UBN2: variants seen among roughly 807,000 people sequenced by gnomAD.
The protein encoded by UBN2 is ubinuclein-2.
In UBN2, 35 loss-of-function variants were observed where a neutral mutation model predicts 120.2. The observed-to-expected ratio is 0.29, with a 90% CI of 0.22 to 0.39. The LOEUF (loss-of-function observed/expected upper bound fraction) is 0.39. UBN2 is among the 10% of genes least tolerant of loss of function. The probability of loss-of-function intolerance (pLI) is 1.00; values close to 1 mark genes in which losing one functional copy is unlikely to be tolerated. For synonymous variants in UBN2, 661 were observed against 648.7 expected, an observed-to-expected ratio of 1.02 and a Z score of -0.29; for missense variants, 1,693 against 1,663.2, an observed-to-expected ratio of 1.02 and a Z score of -0.31.
At chr7:139,266,199 C>T in intron 6 of UBN2, 134 bp from the exon 7 acceptor site, 2 of 505,224 alleles carry the variant, frequency 4.0e-6, no homozygotes, top group South Asian at 5.0e-5. Context: ...TTGATACCAA[C>T]CTGGGCAACA....
At chr7:139,232,203 C>A (rs756751554) in intron 1 of UBN2, among the ~76,000 whole-genome samples, 2 of 152,258 alleles carry the variant, frequency 1.3e-5, no homozygotes, top group Non-Finnish European at 2.9e-5. Flanking sequence ...AACGCCGCGC[C>A]GAGCTCGTTT....
Position 139,307,143 on chromosome 7 carries a change from A to G in UBN2, c.*9307A>G, listed in dbSNP as rs368350006. On this transcript the variant is annotated 3_prime_UTR_variant, in exon 18 of 18. Transcript: ENST00000473989. ...TACATTAGCCACCTCCACACTTGAC[A>G]TAGATGCCAACATGTTTCAAAACCA... The G allele has an allele frequency of 7.9e-5, 12 of 152,362 alleles. No homozygotes were observed. The East Asian group carries it at 1.2e-3, about 15-fold the overall frequency. 9.4% of individuals were successfully genotyped at this position (152,362 alleles called of 1,614,324 possible). A position where few individuals can be genotyped will look rare whatever the true frequency, so the allele number is the denominator to read the frequency against.
chr7:139,276,633 T>C (rs1797450512), intron 12 of UBN2: 1 of 157,394 alleles, frequency 6.4e-6, no homozygotes, highest in African/African-American at 2.4e-5. Flanking sequence ...GAAAGATCTT[T>C]TATCCCCTCC....
downstream of UBN2, among the ~76,000 whole-genome samples, chr7:139,310,272 A>C (rs2131102441): frequency 6.6e-6 from 1 of 151,930 alleles, no homozygotes; most frequent in African/African-American, 2.4e-5. Context: ...GGTTGCAGTA[A>C]TCTATCCTGG....
At chr7:139,253,297 CTG>C (rs1796670335) in intron 3 of UBN2, among the ~76,000 whole-genome samples, 6 of 127,376 alleles carry the variant, frequency 4.7e-5, no homozygotes, top group Admixed American at 2.5e-4. Flanking sequence ...ACTGAAGTAA[CTG>C]TGTATGAAGG....
At chr7:139,241,996 T>C (rs1796332481) in intron 2 of UBN2, among the ~76,000 whole-genome samples, 1 of 148,568 alleles carries the variant, frequency 6.7e-6, no homozygotes, top group East Asian at 2.0e-4. Context: ...AGAATCCAGC[T>C]CCCCCCCCCA....
Position 139,261,515 on chromosome 7 carries a change from A to G in UBN2, c.1169A>G (p.His390Arg). The G allele has an allele frequency of 1.2e-6, 2 of 1,614,218 alleles. No homozygotes were observed. Among genetic ancestry groups the G allele is most frequent in the Non-Finnish European group, 1.7e-6 (2 of 1,180,036 alleles). ...CCCATTTTTGTTAGCACAAATGAAC[A>G]TGAGCTGTTTCAGGAAGCTGAAAAT... Reference protein sequence around the residue: ...DLPIFVSTNEHELFQEAENAL... With the variant: ...DLPIFVSTNERELFQEAENAL... The change falls in exon 6 of 18, where the codon CAT becomes CGT. Residue 390 changes from histidine (H) to arginine (R), a missense_variant. By Grantham distance (29) the His-to-Arg change is conservative (BLOSUM62 0). Transcript: ENST00000473989.
chr7:139,233,575 T>C (rs1370646369), intron 1 of UBN2, among the ~76,000 whole-genome samples: 2 of 152,178 alleles, frequency 1.3e-5, no homozygotes, highest in Non-Finnish European at 2.9e-5. Flanking sequence ...ACTTTACAAA[T>C]GTATGTAATT....
the UBN2 span, among the ~76,000 whole-genome samples, chr7:139,317,923 A>G: frequency 2.6e-5 from 4 of 152,196 alleles, no homozygotes; most frequent in Admixed American, 6.5e-5. Context: ...TTGGCCTCCC[A>G]AAGTGCTGGG....
Position 139,231,473 on chromosome 7 carries a change from A to C in UBN2, c.-12A>C. The C allele has an allele frequency of 7.4e-7, 1 of 1,353,290 alleles. No individual in the cohort carries two copies. The highest frequency in any genetic ancestry group is 9.6e-7 in the Non-Finnish European group (1 of 1,046,100). The allele number at this position is 1,353,290 out of a possible 1,614,324, so 83.8% of individuals were successfully genotyped here. A position where few individuals can be genotyped will look rare whatever the true frequency, so the allele number is the denominator to read the frequency against. Reference sequence around the variant, plus strand: ...CCGGCTCGAGCAAAAGCGGAGGGCCAGAACAGTGGGGATGGCGGAGCCGCG... The same window carrying C: ...CCGGCTCGAGCAAAAGCGGAGGGCCCGAACAGTGGGGATGGCGGAGCCGCG... On this transcript the variant is annotated 5_prime_UTR_variant, in exon 1 of 18. Coordinates refer to ENST00000473989, the MANE Select transcript of UBN2 (RefSeq NM_173569.4).
rs1305948000 is a variant in UBN2 at position 139,231,853 on chromosome 7, G to T, written c.369G>T (p.Pro123=). ...GGGCTGAGCAGCCGCCGCGGCCGCC[G>T]AGGGAGACGGTGCGCCTGGAGCTGG... ...ASRAEQPPRP[P]RETVRLELVL... is the part of the protein sequence containing the mutation. Residue 123 remains proline, a synonymous_variant, in exon 1 of 18, where the codon CCG becomes CCT. Transcript: ENST00000473989. The T allele has an allele frequency of 1.3e-6, 2 of 1,553,274 alleles. No homozygotes were observed. Among genetic ancestry groups the T allele is most frequent in the East Asian group, 2.6e-5 (1 of 38,080 alleles).
intron 13 of UBN2, 92 bp downstream of exon 13, chr7:139,279,452 G>T (rs1244795773): frequency 4.4e-5 from 42 of 962,978 alleles, no homozygotes; most frequent in Non-Finnish European, 5.9e-5. Context: ...ATTTAGCAGA[G>T]GTCAGTAGGC....
At chr7:139,234,964 G>GA (rs1796124012) in intron 1 of UBN2, among the ~76,000 whole-genome samples, 1 of 151,642 alleles carries the variant, frequency 6.6e-6, no homozygotes. Flanking sequence ...TTTTTCACCT[G>GA]AAAAAACAAA....
At chr7:139,247,724 C>T (rs767485418) in intron 2 of UBN2, among the ~76,000 whole-genome samples, 4 of 152,106 alleles carry the variant, frequency 2.6e-5, no homozygotes, top group Admixed American at 6.6e-5. Flanking sequence ...CAAATCTGAG[C>T]ATTTTTTTTC....
intron 1 of UBN2, among the ~76,000 whole-genome samples, chr7:139,232,557 T>G (rs780462853): frequency 6.6e-6 from 1 of 152,130 alleles, no homozygotes; most frequent in Non-Finnish European, 1.5e-5. Context: ...AATGGAGAAG[T>G]GGGTTAGTTA....
Position 139,231,691 on chromosome 7 carries a change from G to T in UBN2, c.207G>T (p.Glu69Asp). ...CGGACGCGCAGCCCCCGTCGCGGGA[G>T]AAGCCGCTCCCCCAGCGCGAGGTCA... ...PRSDAQPPSR[E>D]KPLPQREVSR... Residue 69 changes from glutamate to aspartate, a missense_variant, in exon 1 of 18, where the codon GAG becomes GAT. This residue lies in a region of UBN2 where 663 missense variants were observed against 591.2 expected (regional missense o/e 1.12). Coordinates refer to ENST00000473989, the MANE Select transcript of UBN2 (RefSeq NM_173569.4). The T allele has an allele frequency of 3.4e-6, 4 of 1,180,944 alleles. No homozygotes were observed. Among genetic ancestry groups the T allele is most frequent in the Non-Finnish European group, 4.2e-6 (4 of 958,236 alleles). The allele number at this position is 1,180,944 out of a possible 1,614,324, so 73.2% of individuals were successfully genotyped here.
intron 11 of UBN2, among the ~76,000 whole-genome samples, chr7:139,274,756 C>A (rs1281866494): frequency 3.4e-5 from 5 of 148,712 alleles, no homozygotes; most frequent in African/African-American, 1.2e-4. Context: ...GAGCGAAACT[C>A]CGTCTCAAAA....
intron 2 of UBN2, among the ~76,000 whole-genome samples, chr7:139,250,931 G>T (rs536971607): frequency 6.6e-6 from 1 of 151,898 alleles, no homozygotes; most frequent in African/African-American, 2.4e-5. Flanking sequence ...ACATAGGGAG[G>T]CCCTGTCTCT....
the UBN2 span, among the ~76,000 whole-genome samples, chr7:139,329,900 C>G: frequency 6.6e-6 from 1 of 152,082 alleles, no homozygotes; most frequent in Non-Finnish European, 1.5e-5. Flanking sequence ...AACTCCTGTT[C>G]AATTAATTCA....
Sources: allele counts gnomAD v4.1 joint callset (sites outside exome capture counted in the v4.1 genomes callset), GRCh38; gene constraint gnomAD v4.1.1; regional missense constraint gnomAD v4.1.1; transcripts MANE v1.5; gene names NCBI Gene and HGNC (gene_info 2026-07-23, HGNC 2026-07-21).